The following SLC38A9 variants were observed in gnomAD, a reference collection of about 807,000 sequenced individuals.
The protein encoded by SLC38A9 is neutral amino acid transporter 9.
SLC38A9 carries 48 observed loss-of-function variants against 62.3 expected under a neutral mutation model. The ratio of observed to expected loss-of-function variants is 0.77; its 90% CI spans 0.61 to 0.98. The LOEUF (loss-of-function observed/expected upper bound fraction) is 0.98, where lower values mean the gene tolerates loss of function less well. SLC38A9 is among the 50% of genes least tolerant of loss of function. The pLI is 0.00. For missense variants in SLC38A9, 541 were observed against 679.8 expected, an observed-to-expected ratio of 0.80 and a Z score of 2.27; for synonymous variants, 204 against 227.7, an observed-to-expected ratio of 0.90 and a Z score of 0.94.
rs1410807812 is a variant in SLC38A9 at position 55,633,810 on chromosome 5, TAA to T, written c.1372_1373del (p.Leu458ArgfsTer15). The T allele has an allele frequency of 3.7e-6, 6 of 1,614,104 alleles. No individual in the cohort carries two copies. The Admixed American group carries it at 1.0e-4, about 27-fold the overall frequency. Reference protein sequence around the residue: ...LFQMMTVYPLLGYLARVQLLG... With the variant: ...LFQMMTVYPLXGYLARVQLLG... ...AAAGCTGGACACGAGCCAGGTAGCC[TAA>T]GAGTGGGTATACAGTCATCATCTGG... is the stretch of plus-strand genomic sequence containing the variant. On this transcript the variant is annotated frameshift_variant, in exon 14 of 16. Coordinates refer to ENST00000396865, the MANE Select transcript of SLC38A9 (RefSeq NM_173514.4). LOFTEE classifies it high-confidence loss of function.
At chr5:55,684,122 C>T (rs1053744165) in intron 3 of SLC38A9, among the ~76,000 whole-genome samples, 1 of 151,998 alleles carries the variant, frequency 6.6e-6, no homozygotes, top group African/African-American at 2.4e-5. Flanking sequence ...TCATATTTAT[C>T]TCTAGTCACT....
In SLC38A9 at chr5:55,628,108, C is replaced by T. The variant is rs974154895; in HGVS notation, c.1431-128G>A. The T allele has an allele frequency of 3.4e-5, 21 of 618,028 alleles. No individual in the cohort carries two copies. The East Asian group carries it at 5.0e-4, about 15-fold the overall frequency. The allele number at this position is 618,028 out of a possible 1,614,324, so 38.3% of individuals were successfully genotyped here. A position where few individuals can be genotyped will look rare whatever the true frequency, so the allele number is the denominator to read the frequency against. ...CAAAATGTCTTAAGCTTGATAAAAT[C>T]ACAGCAAAAATAGAAGGTAACAGTA... On this transcript the variant is annotated intron_variant, in intron 14 of 15. Transcript: ENST00000396865.
At chr5:55,658,244 C>T (rs1748813800) in intron 8 of SLC38A9, among the ~76,000 whole-genome samples, 1 of 152,174 alleles carries the variant, frequency 6.6e-6, no homozygotes, top group Admixed American at 6.5e-5. Context: ...ACCTCCACCT[C>T]CCAGGTTCAA....
intron 3 of SLC38A9, among the ~76,000 whole-genome samples, chr5:55,689,614 G>A (rs1254162529): frequency 6.6e-6 from 1 of 152,178 alleles, no homozygotes; most frequent in Non-Finnish European, 1.5e-5. Flanking sequence ...AGAGAACAAT[G>A]CTAGCCCAAC....
rs112308183 is a variant in SLC38A9, at chr5:55,669,581, T to C, written c.408A>G (p.Leu136=). The C allele has an allele frequency of 7.8e-4, 1,255 of 1,610,030 alleles. 6 individuals are homozygous for C. In the African/African-American group the frequency reaches 0.015, roughly 20 times the overall value. Reference sequence around the variant, plus strand: ...CCTGTTTTATGCCCCAAGGAATGCTTAGTATAGATGTTCCCATCATGGTAT... The same window carrying C: ...CCTGTTTTATGCCCCAAGGAATGCTCAGTATAGATGTTCCCATCATGGTAT... The part of the protein sequence containing the change: ...IWNTMMGTSI[L]SIPWGIKQAG... Residue 136 remains leucine (L), a synonymous_variant, in exon 6 of 16, where the codon CTA becomes CTG. Coordinates refer to ENST00000396865, the MANE Select transcript of SLC38A9 (RefSeq NM_173514.4).
intron 10 of SLC38A9, among the ~76,000 whole-genome samples, chr5:55,652,189 C>T (rs1385583320): frequency 1.3e-5 from 2 of 151,030 alleles, no homozygotes; most frequent in Admixed American, 6.6e-5. Context: ...TGAAATCCCA[C>T]CTCTACCAAA....
intron 8 of SLC38A9, among the ~76,000 whole-genome samples, chr5:55,662,122 C>G (rs1749681127): frequency 6.6e-6 from 1 of 152,072 alleles, no homozygotes; most frequent in African/African-American, 2.4e-5. Flanking sequence ...ATCTTAAATT[C>G]CAGAAATGTG....
rs116414274 is a variant in SLC38A9 at position 55,630,059 on chromosome 5, G to A, written c.1431-2079C>T. On this transcript the variant is annotated intron_variant, in intron 14 of 15. Transcript: ENST00000396865. ...AATGTAAACAAGTTTCAGATTCCAC[G>A]ATGCAACTCATAAGAAGCTACCACT... Among the ~76,000 whole-genome samples, 17 of 152,258 alleles carry A rather than the reference G, an allele frequency of 1.1e-4. No homozygotes were observed. The South Asian group carries it at 2.7e-3, about 24-fold the overall frequency.
At chr5:55,710,644 C>T (rs956356627) in intron 2 of SLC38A9, among the ~76,000 whole-genome samples, 2 of 151,754 alleles carry the variant, frequency 1.3e-5, no homozygotes, top group African/African-American at 4.8e-5. Flanking sequence ...TGAGACGGAG[C>T]CTCACTCTGT....
chr5:55,697,723 C>T, intron 3 of SLC38A9, 123 bp downstream of exon 3: 1 of 435,130 alleles, frequency 2.3e-6, no homozygotes, highest in Non-Finnish European at 4.0e-6. Flanking sequence ...CACATGTATA[C>T]ACACAAATCC....
chr5:55,643,055 G>A (rs1419050084), intron 12 of SLC38A9, among the ~76,000 whole-genome samples: 1 of 152,168 alleles, frequency 6.6e-6, no homozygotes, highest in Non-Finnish European at 1.5e-5. Context: ...TGTTTACAAG[G>A]TCAGAAGCTG....
At chr5:55,698,667 CCA>C (rs1395141257) in intron 2 of SLC38A9, among the ~76,000 whole-genome samples, 1 of 152,204 alleles carries the variant, frequency 6.6e-6, no homozygotes, top group Non-Finnish European at 1.5e-5. Context: ...GCTATAGTGT[CCA>C]CACCTGTAAT....
rs1750176605 is a variant in SLC38A9, at chr5:55,664,739, C to T, written c.651G>A (p.Trp217Ter). Reference protein sequence around the residue: ...VSLIGAMIVYWVLMSNFLFNT... With the variant: ...VSLIGAMIVY ...TAAAAAGAAAATTTGACATAAGCAC[C>T]CAATAAACTATCATTGCTCCAATGA... is the stretch of plus-strand genomic sequence containing the variant. The change falls in exon 8 of 16, where the codon TGG (tryptophan) becomes TGA (stop). Residue 217 changes from tryptophan (W) to a stop codon, truncating the protein, a stop_gained. Transcript: ENST00000396865. LOFTEE classifies it high-confidence loss of function. The T allele has an allele frequency of 1.3e-6, 2 of 1,573,006 alleles. No individual in the cohort carries two copies. Among genetic ancestry groups the T allele is most frequent in the Admixed American group, 2.0e-5 (1 of 50,120 alleles).
chr5:55,653,322 C>T (rs1265837582), intron 9 of SLC38A9, among the ~76,000 whole-genome samples: 3 of 152,150 alleles, frequency 2.0e-5, no homozygotes, highest in Non-Finnish European at 2.9e-5. Flanking sequence ...CACCAAATAT[C>T]CCTTGGTTCC....
At chr5:55,689,203 T>C (rs564118172) in intron 3 of SLC38A9, among the ~76,000 whole-genome samples, 1 of 152,316 alleles carries the variant, frequency 6.6e-6, no homozygotes, top group East Asian at 1.9e-4. Flanking sequence ...TTTATAAGTA[T>C]AGCACCAAAA....
intron 15 of SLC38A9, among the ~76,000 whole-genome samples, chr5:55,627,468 A>G (rs1742641064): frequency 6.6e-6 from 1 of 152,150 alleles, no homozygotes; most frequent in Non-Finnish European, 1.5e-5. Flanking sequence ...CTTTTTGACT[A>G]CAATTGACAT....
chr5:55,626,617 G>C lies in SLC38A9; in HGVS notation c.1563C>G (p.Tyr521Ter). The part of the protein sequence containing the change: ...AACGLAFVFI[Y>*]PSLIYIISLH... The stretch of plus-strand genomic sequence containing the variant: ...GGGAAATTATATAGATGAGAGATGG[G>C]TATATGAATACAAAGGCCAGTCCAC... Residue 521 changes from tyrosine to a stop codon, truncating the protein, a stop_gained, in exon 16 of 16, where the codon TAC becomes TAG. Transcript: ENST00000396865. LOFTEE classifies it high-confidence loss of function. 6.2e-7 allele frequency: 1 copy of C among 1,612,362 alleles called. No individual in the cohort carries two copies. Among genetic ancestry groups the C allele is most frequent in the Non-Finnish European group, 8.5e-7 (1 of 1,179,078 alleles).
chr5:55,636,742 AGG>A (rs756739704), intron 12 of SLC38A9, among the ~76,000 whole-genome samples: 3 of 152,218 alleles, frequency 2.0e-5, no homozygotes, highest in Non-Finnish European at 4.4e-5. Flanking sequence ...AGAAATCTTA[AGG>A]TCAGGTCTAA....
intron 12 of SLC38A9, among the ~76,000 whole-genome samples, chr5:55,643,764 C>T (rs1203925896): frequency 6.6e-6 from 1 of 152,162 alleles, no homozygotes; most frequent in East Asian, 1.9e-4. Flanking sequence ...CTGATCCCTA[C>T]AGATCATTAT....
Sources: gnomAD v4.1 joint callset for allele counts (sites outside exome capture counted in the v4.1 genomes callset) on GRCh38, gnomAD v4.1.1 for gene constraint, MANE v1.5 for transcripts, NCBI Gene and HGNC (gene_info 2026-07-23, HGNC 2026-07-21) for gene names.